PRKN: variants seen among roughly 807,000 people sequenced by gnomAD.
PRKN encodes the protein E3 ubiquitin-protein ligase parkin.
Under a neutral mutation model 59.5 loss-of-function variants are expected in PRKN, and 56 were observed. The observed-to-expected ratio is 0.94, with a 90% CI of 0.76 to 1.18. The LOEUF is 1.18. Among genes scored for constraint, PRKN ranks in the 50% most tolerant of loss-of-function variants. The pLI is 0.00. For synonymous variants in PRKN, 250 were observed against 222.1 expected (o/e 1.13, Z -1.12); for missense variants, 657 against 596.4 (o/e 1.10, Z -1.06).
intron 5 of PRKN, among the ~76,000 whole-genome samples, chr6:162,040,203 A>C (rs1784010805): frequency 6.6e-6 from 1 of 152,264 alleles, no homozygotes; most frequent in East Asian, 1.9e-4. Flanking sequence ...TGGTCTCTCC[A>C]GCACAGAAGC....
intron 2 of PRKN, among the ~76,000 whole-genome samples, chr6:162,345,953 G>A (rs112396668): frequency 5.3e-5 from 8 of 152,166 alleles, no homozygotes; most frequent in African/African-American, 1.9e-4. Context: ...TCAGAGTGGG[G>A]CCCTCATAAT....
rs1356545451 is a variant in PRKN at position 161,459,763 on chromosome 6, G to C, written c.1084-72886C>G. On this transcript the variant is annotated intron_variant, in intron 9 of 11. Transcript: ENST00000366898. The surrounding 1 kb of genome is among the most constrained non-coding windows in gnomAD (Gnocchi z 4.8). ...CATAACATTTGCTATAATTATAACA[G>C]TTCAGTTATTTGGTTTTCTCTTTGT... 6.6e-6 allele frequency among the ~76,000 whole-genome samples: 1 copy of C among 152,144 alleles called. No homozygotes were observed. Among genetic ancestry groups the C allele is most frequent in the Non-Finnish European group, 1.5e-5 (1 of 68,042 alleles).
At chr6:162,087,684 C>T (rs920051783) in intron 4 of PRKN, among the ~76,000 whole-genome samples, 1 of 145,038 alleles carries the variant, frequency 6.9e-6, no homozygotes, top group Non-Finnish European at 1.5e-5. Flanking sequence ...AGCTCCGCTT[C>T]CCAGGTTCAA....
At chr6:161,988,088 T>C (rs1349824280) in intron 5 of PRKN, among the ~76,000 whole-genome samples, 1 of 152,138 alleles carries the variant, frequency 6.6e-6, no homozygotes, top group African/African-American at 2.4e-5. Context: ...GTACAGCTCA[T>C]GCCCCCACCA....
At chr6:162,669,567 TAC>T (rs1340711378) in intron 1 of PRKN, among the ~76,000 whole-genome samples, 1 of 152,204 alleles carries the variant, frequency 6.6e-6, no homozygotes, top group African/African-American at 2.4e-5. Context: ...ACAAGCCTCA[TAC>T]ACAGTTTCCA....
At chr6:161,622,272 A>G (rs1782933908) in intron 7 of PRKN, among the ~76,000 whole-genome samples, 1 of 152,176 alleles carries the variant, frequency 6.6e-6, no homozygotes, top group African/African-American at 2.4e-5. Flanking sequence ...AGGGCTGTGT[A>G]GCCTCTGAAG....
At chr6:161,629,796 G>A (rs1277790584) in intron 7 of PRKN, among the ~76,000 whole-genome samples, 2 of 152,136 alleles carry the variant, frequency 1.3e-5, no homozygotes, top group African/African-American at 4.8e-5. Flanking sequence ...AATGTGAGTG[G>A]AGCAGACCTA....
chr6:161,706,147 C>T (rs908408497), intron 7 of PRKN, among the ~76,000 whole-genome samples: 1 of 152,100 alleles, frequency 6.6e-6, no homozygotes, highest in Non-Finnish European at 1.5e-5. Context: ...CTACCCATTT[C>T]GATTCATCCT....
chr6:162,173,572 T>G (rs1213285222), intron 4 of PRKN, among the ~76,000 whole-genome samples: 1 of 150,910 alleles, frequency 6.6e-6, no homozygotes, highest in Non-Finnish European at 1.5e-5. Context: ...ACTTTCTCAC[T>G]AAATTGCTTT....
At chr6:162,349,357 A>G (rs1784531722) in intron 2 of PRKN, among the ~76,000 whole-genome samples, 1 of 152,066 alleles carries the variant, frequency 6.6e-6, no homozygotes, top group South Asian at 2.1e-4. Context: ...TCCCAGCTAC[A>G]TGAGGGGGCA....
chr6:161,884,261 T>C (rs1457805792), intron 6 of PRKN, among the ~76,000 whole-genome samples: 2 of 152,186 alleles, frequency 1.3e-5, no homozygotes, highest in African/African-American at 4.8e-5. Flanking sequence ...ATGCAGTAAA[T>C]TTTTGTGAAG....
At chr6:161,993,592 T>C (rs1781730416) in intron 5 of PRKN, among the ~76,000 whole-genome samples, 1 of 152,212 alleles carries the variant, frequency 6.6e-6, no homozygotes. Context: ...TAATGCATTC[T>C]ACGTGGCCAG....
chr6:162,347,473 C>T (rs1784451382), intron 2 of PRKN, among the ~76,000 whole-genome samples: 1 of 151,912 alleles, frequency 6.6e-6, no homozygotes, highest in African/African-American at 2.4e-5. Flanking sequence ...TTTCTAACTT[C>T]ATTTCATTGT....
intron 6 of PRKN, among the ~76,000 whole-genome samples, chr6:161,897,985 G>C (rs1172306029): frequency 3.6e-5 from 1 of 28,106 alleles, no homozygotes; most frequent in Non-Finnish European, 7.0e-5. Flanking sequence ...AAAAAAAAAA[G>C]TCTCCCAGTT....
intron 2 of PRKN, among the ~76,000 whole-genome samples, chr6:162,305,408 C>CT (rs11430361): frequency 0.17 from 25,562 of 151,144 alleles, 2,773 homozygotes; most frequent in East Asian, 0.52. Context: ...ATTATCATTG[C>CT]TTTTTTTTTA....
At chr6:161,630,339 T>C (rs551176681) in intron 7 of PRKN, among the ~76,000 whole-genome samples, 1 of 152,228 alleles carries the variant, frequency 6.6e-6, no homozygotes, top group Non-Finnish European at 1.5e-5. Context: ...AGCTTCCCTG[T>C]AGAGCCGTAG....
At position 161,354,539 on chromosome 6, in the gene PRKN, A is replaced by T. The variant is rs1162581553; in HGVS notation, c.1286-4328T>A. ...CAGAATTTCATCTGCTTGAGATGGA[A>T]GTGAAGAAATTTCTGGAGACTGGAG... On this transcript the variant is annotated intron_variant, in intron 11 of 11. Coordinates refer to ENST00000366898, the MANE Select transcript of PRKN (RefSeq NM_004562.3). The surrounding 1 kb of genome is among the most constrained non-coding windows in gnomAD (Gnocchi z 6.7). 3.9e-5 allele frequency among the ~76,000 whole-genome samples: 6 copies of T among 152,188 alleles called. No individual in the cohort carries two copies. The highest frequency in any genetic ancestry group is 1.5e-5 in the Non-Finnish European group (1 of 68,030).
At position 161,484,726 on chromosome 6, in the gene PRKN, T is replaced by C. The variant is rs1011865664; in HGVS notation, c.1083+64128A>G. 6.6e-6 allele frequency among the ~76,000 whole-genome samples: 1 copy of C among 152,202 alleles called. No homozygotes were observed. The highest frequency in any genetic ancestry group is 1.5e-5 in the Non-Finnish European group (1 of 68,024). On this transcript the variant is annotated intron_variant, in intron 9 of 11. Coordinates refer to ENST00000366898, the MANE Select transcript of PRKN (RefSeq NM_004562.3). The surrounding 1 kb of genome is among the most constrained non-coding windows in gnomAD (Gnocchi z 4.9). ...TGGTGTTTGGCACCATCCCTGCCTC[T>C]ACCCGCTAGATGCTAGAAGCATCCC...
Position 162,486,005 on chromosome 6 carries a change from T to C in PRKN, c.8-42532A>G, listed in dbSNP as rs75522320. On this transcript the variant is annotated intron_variant, in intron 1 of 11. Coordinates refer to ENST00000366898, the MANE Select transcript of PRKN (RefSeq NM_004562.3). ...CACAAATCGCTAACAAATTAATATC[T>C]GACATTAAGAGGGGTTTATTTCAGT... Among the ~76,000 whole-genome samples the C allele has an allele frequency of 1.8e-4, 28 of 152,358 alleles. No homozygotes were observed. The East Asian group carries it at 5.4e-3, about 29-fold the overall frequency.
Sources: gnomAD v4.1 joint callset for allele counts (sites outside exome capture counted in the v4.1 genomes callset) on GRCh38, gnomAD v4.1.1 for gene constraint, Gnocchi (gnomAD v3.1) non-coding constraint, MANE v1.5 for transcripts, NCBI Gene and HGNC (gene_info 2026-07-23, HGNC 2026-07-21) for gene names.